ATP5F1A: variants seen among roughly 807,000 people sequenced by gnomAD.
The protein encoded by ATP5F1A is ATP synthase F1 subunit alpha, also known as ATP synthase F(1) complex subunit alpha, mitochondrial.
Under a neutral mutation model 57.4 loss-of-function variants are expected in ATP5F1A, and 24 were observed. The observed-to-expected ratio is 0.42, with a 90% CI of 0.30 to 0.59. ATP5F1A has a LOEUF of 0.59. Among genes scored for constraint, ATP5F1A ranks in the 20% least tolerant of loss-of-function variants. The probability of loss-of-function intolerance (pLI) is 0.19; values close to 1 mark genes in which losing one functional copy is unlikely to be tolerated. For synonymous variants in ATP5F1A, 251 were observed against 255.5 expected (o/e 0.98, Z 0.17); for missense variants, 494 against 707.9 (o/e 0.70, Z 3.43).
In ATP5F1A at chr18:46,084,621, A is replaced by AT; in HGVS notation, c.1462dup (p.Ile488AsnfsTer10). ...AAGATATCCCCTTACACCCGCATAG[A>AT]TAACAGCCACTTGTTCTTCAATAGC... is the stretch of plus-strand genomic sequence containing the variant. On this transcript the variant is annotated frameshift_variant, in exon 11 of 12. Coordinates refer to ENST00000398752, the MANE Select transcript of ATP5F1A (RefSeq NM_004046.6). LOFTEE classifies it high-confidence loss of function. 1 of 1,596,088 alleles carries AT rather than the reference A, an allele frequency of 6.3e-7. No homozygotes were observed. The highest frequency in any genetic ancestry group is 8.5e-7 in the Non-Finnish European group (1 of 1,175,090).
chr18:46,103,253 G>A (rs1489379587), upstream of ATP5F1A, among the ~76,000 whole-genome samples: 1 of 114,222 alleles, frequency 8.8e-6, no homozygotes, highest in African/African-American at 3.8e-5. Flanking sequence ...AGGTCGCAGT[G>A]AGCCAAGATC....
rs2144157834 is a variant in ATP5F1A, at chr18:46,081,624, A to G, written c.*2658T>C. 7.4e-6 allele frequency: 1 copy of G among 135,252 alleles called. No homozygotes were observed. The highest frequency in any genetic ancestry group is 1.5e-5 in the Non-Finnish European group (1 of 64,708). 8.4% of individuals were successfully genotyped at this position (135,252 alleles called of 1,614,324 possible). A position where few individuals can be genotyped will look rare whatever the true frequency, so the allele number is the denominator to read the frequency against. On this transcript the variant is annotated 3_prime_UTR_variant, in exon 12 of 12. Coordinates refer to ENST00000398752, the MANE Select transcript of ATP5F1A (RefSeq NM_004046.6). ...GGTTGTGGTGAGCCGAGATCGTGCC[A>G]TTGCACTCCAGCCTGGGCAACAAGA... is the stretch of plus-strand genomic sequence containing the variant.
chr18:46,097,755 A>G, intron 1 of ATP5F1A: 1 of 946,412 alleles, frequency 1.1e-6, no homozygotes, highest in Non-Finnish European at 1.3e-6. Flanking sequence ...GACTCCACTG[A>G]CTAGCTTCAA....
intron 3 of ATP5F1A, among the ~76,000 whole-genome samples, chr18:46,091,307 C>T (rs1199375389): frequency 6.6e-6 from 1 of 152,202 alleles, no homozygotes; most frequent in Non-Finnish European, 1.5e-5. Flanking sequence ...ACTAGAAATA[C>T]AAAGTCACGG....
chr18:46,086,161 A>G lies in ATP5F1A; in HGVS notation c.1381T>C (p.Leu461=), dbSNP rs1472130159. The G allele has an allele frequency of 7.4e-6, 12 of 1,612,190 alleles. No homozygotes were observed. The highest frequency in any genetic ancestry group is 1.7e-5 in the Admixed American group (1 of 59,986). The change falls in exon 10 of 12, where the codon TTG becomes CTG. Residue 461 remains leucine (L), a synonymous_variant. Coordinates refer to ENST00000398752, the MANE Select transcript of ATP5F1A (RefSeq NM_004046.6). ...SDLDAATQQL[L]SRGVRLTELL... ...TCAGTTAGACGCACGCCACGACTCA[A>G]AAGTTGTTGAGTGGCAGCATCGAGG...
chr18:46,086,220 C>T lies in ATP5F1A; in HGVS notation c.1322G>A (p.Arg441His). ...GAACTGGGCAAAAGCAGCAACCTCA[C>T]GATACTGAGCCAATTCCAGCTTCAT... Reference protein sequence around the residue: ...GTMKLELAQYREVAAFAQFGS... With the variant: ...GTMKLELAQYHEVAAFAQFGS... Residue 441 changes from arginine (R) to histidine (H), a missense_variant, in exon 10 of 12, where the codon CGT becomes CAT. Transcript: ENST00000398752. 3 of 1,613,366 alleles carry T rather than the reference C, an allele frequency of 1.9e-6. No individual in the cohort carries two copies. The highest frequency in any genetic ancestry group is 2.5e-6 in the Non-Finnish European group (3 of 1,180,014).
intron 1 of ATP5F1A, chr18:46,104,086 AACG>A (rs1277104186): frequency 2.0e-5 from 6 of 301,442 alleles, no homozygotes; most frequent in Admixed American, 5.1e-5. Flanking sequence ...ACTTTTTTTT[AACG>A]ACAAGTGATT....
intron 1 of ATP5F1A, among the ~76,000 whole-genome samples, chr18:46,096,028 A>G (rs1479682869): frequency 2.6e-5 from 4 of 151,794 alleles, no homozygotes; most frequent in Non-Finnish European, 5.9e-5. Context: ...AGCTGGGACT[A>G]CAGGCGACCA....
At chr18:46,101,956 C>T (rs992232517), upstream of ATP5F1A, among the ~76,000 whole-genome samples, 1 of 151,570 alleles carries the variant, frequency 6.6e-6, no homozygotes, top group Non-Finnish European at 1.5e-5. Flanking sequence ...GGGCGGATCA[C>T]GAGGTCAGGA....
chr18:46,095,474 C>A (rs998497570), intron 1 of ATP5F1A, among the ~76,000 whole-genome samples: 1 of 152,032 alleles, frequency 6.6e-6, no homozygotes, highest in East Asian at 1.9e-4. Context: ...GCCACCTCCA[C>A]CAGGTTAATT....
At chr18:46,099,822 C>T (rs1434019838), upstream of ATP5F1A, among the ~76,000 whole-genome samples, 1 of 152,134 alleles carries the variant, frequency 6.6e-6, no homozygotes, top group Non-Finnish European at 1.5e-5. Context: ...AATAAATATC[C>T]GGGCTACAAG....
chr18:46,087,652 G>A (rs1026463718), intron 6 of ATP5F1A, 160 bp from the exon 7 acceptor site: 32 of 789,952 alleles, frequency 4.1e-5, no homozygotes, highest in Admixed American at 1.7e-4. Flanking sequence ...GGCCCTAGGC[G>A]GGTGATCACC....
intron 2 of ATP5F1A, among the ~76,000 whole-genome samples, chr18:46,094,277 T>C (rs1250404999): frequency 6.6e-6 from 1 of 152,140 alleles, no homozygotes; most frequent in Non-Finnish European, 1.5e-5. Context: ...CAACTTATAG[T>C]GTCTTCCTAT....
chr18:46,090,038 G>C, intron 3 of ATP5F1A, 42 bp from the exon 4 acceptor site: 1 of 1,228,428 alleles, frequency 8.1e-7, no homozygotes, highest in Non-Finnish European at 1.1e-6. Flanking sequence ...AGCTGAATGG[G>C]CACTCCTCCC....
intron 1 of ATP5F1A, among the ~76,000 whole-genome samples, chr18:46,095,764 G>A (rs1462160767): frequency 6.6e-6 from 1 of 151,958 alleles, no homozygotes; most frequent in South Asian, 2.1e-4. Flanking sequence ...TCACAGGAGT[G>A]CGCCACCTGG....
rs8092674 is a variant in ATP5F1A at position 46,086,016 on chromosome 18, C to T, written c.1429+97G>A. On this transcript the variant is annotated intron_variant, in intron 10 of 11. Coordinates refer to ENST00000398752, the MANE Select transcript of ATP5F1A (RefSeq NM_004046.6). Reference sequence around the variant, plus strand: ...TGATGAAAGATAACAGATAACAACACGTAGTACAGGCCGTGATATGTGATG... The same window carrying T: ...TGATGAAAGATAACAGATAACAACATGTAGTACAGGCCGTGATATGTGATG... 531,165 of 1,311,886 alleles carry T rather than the reference C, an allele frequency of 0.4. 111,265 individuals carry two copies. Among genetic ancestry groups the T allele is most frequent in the Middle Eastern group, 0.51 (1,829 of 3,590 alleles). The allele number at this position is 1,311,886 out of a possible 1,614,324, so 81.3% of individuals were successfully genotyped here.
At chr18:46,099,976 C>T (rs1201446740), upstream of ATP5F1A, among the ~76,000 whole-genome samples, 3 of 152,010 alleles carry the variant, frequency 2.0e-5, no homozygotes, top group African/African-American at 4.8e-5. Flanking sequence ...CCAAGCCAGG[C>T]GCAGTGGCTC....
rs575608849 is a variant in ATP5F1A at position 46,094,856 on chromosome 18, G to GT, written c.139+196dup. ...CATACTAATATCAAAAGAAAAATAT[G>GT]TAACAGTAGTTCATTTGACTATAAC... On this transcript the variant is annotated intron_variant, in intron 2 of 11. Coordinates refer to ENST00000398752, the MANE Select transcript of ATP5F1A (RefSeq NM_004046.6). The GT allele has an allele frequency of 1.7e-3, 1,367 of 795,860 alleles. 2 individuals are homozygous for GT. Among genetic ancestry groups the GT allele is most frequent in the African/African-American group, 2.2e-3 (125 of 56,172 alleles). 49.3% of individuals were successfully genotyped at this position (795,860 alleles called of 1,614,324 possible). A position where few individuals can be genotyped will look rare whatever the true frequency, so the allele number is the denominator to read the frequency against.
Position 46,095,150 on chromosome 18 carries a change from T to C in ATP5F1A, c.61-19A>G. ...TGGAGACCTAGTGCAAAAGTATTCT[T>C]AAAAATTTGATTTTTAACAAAGCCT... is the stretch of plus-strand genomic sequence containing the variant. On this transcript the variant is annotated intron_variant, in intron 1 of 11. Transcript: ENST00000398752. 6.2e-7 allele frequency: 1 copy of C among 1,607,012 alleles called. No individual in the cohort carries two copies. The highest frequency in any genetic ancestry group is 8.5e-7 in the Non-Finnish European group (1 of 1,177,934).
Sources: allele counts gnomAD v4.1 joint callset (sites outside exome capture counted in the v4.1 genomes callset), GRCh38; gene constraint gnomAD v4.1.1; transcripts MANE v1.5; gene names NCBI Gene and HGNC (gene_info 2026-07-23, HGNC 2026-07-21).